The following KCNIP1 variants were observed in gnomAD, a reference collection of about 807,000 sequenced individuals.
KCNIP1 encodes A-type potassium channel modulatory protein KCNIP1.
Under a neutral mutation model 33.0 loss-of-function variants are expected in KCNIP1, and 18 were observed. That is an observed-to-expected ratio of 0.55 (90% CI 0.38 to 0.81). KCNIP1 has a LOEUF of 0.81. Ranked by LOEUF, KCNIP1 falls within the 30% of genes least tolerant of loss-of-function variation. The pLI is 0.00. For missense variants in KCNIP1, 238 were observed against 271.6 expected (o/e 0.88, Z 0.87); for synonymous variants, 93 against 98.3 (o/e 0.95, Z 0.32).
rs536013157 is a variant in KCNIP1 at position 170,628,759 on chromosome 5, C to T, written c.62-89999C>T. 1.5e-4 allele frequency among the ~76,000 whole-genome samples: 23 copies of T among 152,322 alleles called. No individual in the cohort carries two copies. The East Asian group carries it at 3.1e-3, about 20-fold the overall frequency. On this transcript the variant is annotated intron_variant, in intron 1 of 7. Transcript: ENST00000328939. ...TATTGACACACAACGCTGCAGTGCA[C>T]GCGCTTCTGGCAGGGGAGCTGCTGC...
intron 1 of KCNIP1, among the ~76,000 whole-genome samples, chr5:170,480,146 T>G (rs1294453043): frequency 6.6e-6 from 1 of 152,248 alleles, no homozygotes; most frequent in Non-Finnish European, 1.5e-5. Context: ...GGGTATATAT[T>G]GGTTTTAAAA....
chr5:170,568,526 G>C (rs11747584), intron 1 of KCNIP1, among the ~76,000 whole-genome samples: 62,489 of 151,158 alleles, frequency 0.41, 13,246 homozygotes, highest in Middle Eastern at 0.51. Flanking sequence ...CTATGAGAAA[G>C]TTCATGCCGG....
chr5:170,650,863 AGC>A (rs904312014), intron 1 of KCNIP1, among the ~76,000 whole-genome samples: 1 of 152,266 alleles, frequency 6.6e-6, no homozygotes, highest in Non-Finnish European at 1.5e-5. Flanking sequence ...GGAAAAAGCA[AGC>A]CACAATATGA....
intron 1 of KCNIP1, among the ~76,000 whole-genome samples, chr5:170,472,178 T>G (rs972719012): frequency 6.6e-6 from 1 of 152,168 alleles, no homozygotes; most frequent in African/African-American, 2.4e-5. Context: ...AAGGAAGGCA[T>G]CCTCTCTGGG....
intron 1 of KCNIP1, among the ~76,000 whole-genome samples, chr5:170,705,599 C>G (rs972868181): frequency 6.6e-6 from 1 of 152,208 alleles, no homozygotes; most frequent in African/African-American, 2.4e-5. Context: ...AGATGATCAA[C>G]AGTCTTTCAT....
chr5:170,678,769 C>CA (rs1762230953), intron 1 of KCNIP1, among the ~76,000 whole-genome samples: 1 of 151,876 alleles, frequency 6.6e-6, no homozygotes, highest in African/African-American at 2.4e-5. Context: ...CATGAGCTTG[C>CA]AAAAAGGGAG....
intron 1 of KCNIP1, among the ~76,000 whole-genome samples, chr5:170,549,896 A>G (rs2113408470): frequency 6.6e-6 from 1 of 152,358 alleles, no homozygotes; most frequent in Non-Finnish European, 1.5e-5. Flanking sequence ...TATGCTGTCA[A>G]TGAACATTTA....
At chr5:170,726,745 C>CAAAAAAAAAAAA (rs57173351) in intron 5 of KCNIP1, among the ~76,000 whole-genome samples, 20 of 56,652 alleles carry the variant, frequency 3.5e-4, no homozygotes, top group East Asian at 9.4e-4. Flanking sequence ...ACTAAAAATA[C>CAAAAAAAAAAAA]AAAAAAAAAA....
chr5:170,663,940 C>A (rs1411181346), intron 1 of KCNIP1, among the ~76,000 whole-genome samples: 2 of 151,914 alleles, frequency 1.3e-5, no homozygotes, highest in African/African-American at 2.4e-5. Flanking sequence ...CCTATCTGCA[C>A]CCTCCTTCAA....
intron 1 of KCNIP1, among the ~76,000 whole-genome samples, chr5:170,432,345 T>C (rs1379912681): frequency 6.6e-6 from 1 of 152,220 alleles, no homozygotes; most frequent in Non-Finnish European, 1.5e-5. Context: ...ACTGCTTAAA[T>C]GAGATAATAT....
intron 1 of KCNIP1, among the ~76,000 whole-genome samples, chr5:170,470,763 A>C (rs1311849010): frequency 6.6e-6 from 1 of 152,230 alleles, no homozygotes; most frequent in African/African-American, 2.4e-5. Context: ...TGATGGGTTA[A>C]GGAGGTGAAG....
At chr5:170,530,122 G>T (rs1207615309) in intron 1 of KCNIP1, among the ~76,000 whole-genome samples, 1 of 152,144 alleles carries the variant, frequency 6.6e-6, no homozygotes, top group Non-Finnish European at 1.5e-5. Context: ...TAAATTTATT[G>T]TTTACCACTC....
chr5:170,722,758 G>A lies in KCNIP1; in HGVS notation c.373G>A (p.Glu125Lys), dbSNP rs1763871224. The A allele has an allele frequency of 3.7e-6, 6 of 1,613,834 alleles. No homozygotes were observed. Among genetic ancestry groups the A allele is most frequent in the Admixed American group, 1.7e-5 (1 of 59,986 alleles). The change falls in exon 5 of 8, where the codon GAG becomes AAG. Residue 125 changes from glutamate (E) to lysine (K), a missense_variant. Coordinates refer to ENST00000328939, the MANE Select transcript of KCNIP1 (RefSeq NM_014592.4). ...GATTTTATTGAGAGGAACTGTCCAC[G>A]AGAAACTAAGGTGGACATTTAATTT... ...LSILLRGTVH[E>K]KLRWTFNLYD... is the part of the protein sequence containing the mutation.
chr5:170,461,147 A>G (rs1339519940), intron 1 of KCNIP1, among the ~76,000 whole-genome samples: 5 of 152,234 alleles, frequency 3.3e-5, no homozygotes, highest in Admixed American at 2.6e-4. Context: ...AACACTGCTG[A>G]AAGAAATCAT....
intron 5 of KCNIP1, among the ~76,000 whole-genome samples, chr5:170,723,060 G>A (rs1763886726): frequency 6.6e-6 from 1 of 152,182 alleles, no homozygotes; most frequent in South Asian, 2.1e-4. Context: ...AGATTCAGTA[G>A]ATATTACACA....
chr5:170,476,476 C>T (rs1756860114), intron 1 of KCNIP1, among the ~76,000 whole-genome samples: 1 of 152,170 alleles, frequency 6.6e-6, no homozygotes, highest in Non-Finnish European at 1.5e-5. Context: ...CAATCTCCCC[C>T]TTCTTCATGG....
intron 1 of KCNIP1, among the ~76,000 whole-genome samples, chr5:170,461,724 C>T (rs1010162466): frequency 3.4e-5 from 5 of 146,826 alleles, no homozygotes; most frequent in Admixed American, 1.4e-4. Context: ...CACTCCAGCC[C>T]GGGCGACAAA....
chr5:170,721,250 C>T (rs1763811163), intron 3 of KCNIP1, among the ~76,000 whole-genome samples: 1 of 152,184 alleles, frequency 6.6e-6, no homozygotes, highest in Non-Finnish European at 1.5e-5. Flanking sequence ...CAGTTTTGTC[C>T]CATGCAGGCC....
intron 1 of KCNIP1, among the ~76,000 whole-genome samples, chr5:170,370,727 C>T (rs1244747917): frequency 6.6e-6 from 1 of 152,202 alleles, no homozygotes; most frequent in Admixed American, 6.5e-5. Flanking sequence ...GCGCAATGGC[C>T]CAGCATGGCT....
Sources: gnomAD v4.1 joint callset for allele counts (sites outside exome capture counted in the v4.1 genomes callset) on GRCh38, gnomAD v4.1.1 for gene constraint, MANE v1.5 for transcripts, NCBI Gene and HGNC (gene_info 2026-07-23, HGNC 2026-07-21) for gene names.